Variants in IRAK1BP1 observed in about 807,000 individuals in gnomAD.
IRAK1BP1 encodes the protein interleukin 1 receptor associated kinase 1 binding protein 1.
IRAK1BP1 carries 24 observed loss-of-function variants against 28.0 expected under a neutral mutation model. The observed-to-expected ratio is 0.86, with a 90% confidence interval of 0.62 to 1.20. The LOEUF is 1.20. IRAK1BP1 is among the 50% of genes most tolerant of loss of function. The pLI is 0.00. For missense variants in IRAK1BP1, 336 were observed against 316.7 expected (o/e 1.06, Z -0.46); for synonymous variants, 131 against 116.3 (o/e 1.13, Z -0.81).
chr6:78,929,503 A>G (rs867196127), intron 4 of IRAK1BP1, among the ~76,000 whole-genome samples: 18 of 152,264 alleles, frequency 1.2e-4, no homozygotes, highest in African/African-American at 4.3e-4. Context: ...ACTCATGGAT[A>G]TAAAGATGGA....
chr6:78,970,757 T>C, the IRAK1BP1 span: 5 of 1,425,980 alleles, frequency 3.5e-6, no homozygotes, highest in South Asian at 4.9e-5. Context: ...TTTGGGGCTA[T>C]TAAATAATAA....
the IRAK1BP1 span, among the ~76,000 whole-genome samples, chr6:78,971,118 T>C: frequency 2.7e-4 from 41 of 152,348 alleles, no homozygotes; most frequent in Middle Eastern, 3.4e-3. Flanking sequence ...AGATGAAAAG[T>C]TATTTTCTGG....
chr6:78,934,993 T>C (rs1773215545), intron 4 of IRAK1BP1, among the ~76,000 whole-genome samples: 1 of 152,168 alleles, frequency 6.6e-6, no homozygotes, highest in Non-Finnish European at 1.5e-5. Flanking sequence ...AAACACGAAG[T>C]ACTATATTGC....
intron 4 of IRAK1BP1, among the ~76,000 whole-genome samples, chr6:78,924,543 G>C (rs1253674467): frequency 2.0e-5 from 3 of 152,174 alleles, no homozygotes; most frequent in African/African-American, 4.8e-5. Flanking sequence ...TAGAAAAAGA[G>C]GGAATCCTCC....
Position 78,901,869 on chromosome 6 carries a change from GTTGTT to G in IRAK1BP1, c.*3540_*3544del, listed in dbSNP as rs1772115073. On this transcript the variant is annotated 3_prime_UTR_variant, in exon 4 of 4. Coordinates refer to ENST00000369940, the MANE Select transcript of IRAK1BP1 (RefSeq NM_001010844.4). ...AGATGCTGTACCTCATCCTATAATT[GTTGTT>G]TTGTAATATTCCTTCTCAGGAATAT... 1.3e-5 allele frequency: 2 copies of G among 151,996 alleles called. No homozygotes were observed. The highest frequency in any genetic ancestry group is 3.9e-4 in the East Asian group (2 of 5,178). 9.4% of individuals were successfully genotyped at this position (151,996 alleles called of 1,614,324 possible).
intron 1 of IRAK1BP1, among the ~76,000 whole-genome samples, chr6:78,876,088 C>A (rs770161838): frequency 6.6e-5 from 10 of 151,882 alleles, no homozygotes; most frequent in Non-Finnish European, 1.2e-4. Flanking sequence ...AATTGTAATC[C>A]CTATGTGTCA....
intron 4 of IRAK1BP1, among the ~76,000 whole-genome samples, chr6:78,932,998 T>G (rs900775793): frequency 6.6e-6 from 1 of 152,128 alleles, no homozygotes; most frequent in African/African-American, 2.4e-5. Flanking sequence ...ATGCAGGCTT[T>G]GTTGTTCCAT....
the IRAK1BP1 span, chr6:78,962,974 A>T: frequency 4.1e-6 from 3 of 732,278 alleles, no homozygotes; most frequent in Non-Finnish European, 6.5e-6. Context: ...GATTCCACTT[A>T]AAATGTCTGA....
chr6:78,945,690 A>G (rs781287086), exon 5 of IRAK1BP1: 59 of 613,596 alleles, frequency 9.6e-5, no homozygotes, highest in Non-Finnish European at 1.6e-4. Context: ...CAGCCCTTTT[A>G]GAAGCTGTCC....
downstream of IRAK1BP1, among the ~76,000 whole-genome samples, chr6:78,905,282 A>G (rs1039167432): frequency 1.3e-5 from 2 of 152,192 alleles, no homozygotes; most frequent in Non-Finnish European, 2.9e-5. Flanking sequence ...TTTGGTGATA[A>G]CTCTGGAAAC....
At chr6:78,941,320 C>A in intron 4 of IRAK1BP1, 1 of 1,612,296 alleles carries the variant, frequency 6.2e-7, no homozygotes, top group Non-Finnish European at 8.5e-7. Flanking sequence ...GAGCGTTGTT[C>A]TTACAATCTC....
intron 4 of IRAK1BP1, among the ~76,000 whole-genome samples, chr6:78,924,752 G>A (rs28826982): frequency 0.076 from 11,528 of 152,156 alleles, 533 homozygotes; most frequent in African/African-American, 0.13. Context: ...TGGGATGCAA[G>A]GCTGGTTCAA....
At chr6:78,921,861 G>C (rs1381173646) in intron 4 of IRAK1BP1, among the ~76,000 whole-genome samples, 1 of 152,176 alleles carries the variant, frequency 6.6e-6, no homozygotes, top group Non-Finnish European at 1.5e-5. Flanking sequence ...GCAGCTGAGG[G>C]TCCTGACTGT....
chr6:78,892,828 G>A (rs190016457), intron 2 of IRAK1BP1, among the ~76,000 whole-genome samples: 21 of 152,158 alleles, frequency 1.4e-4, no homozygotes, highest in Admixed American at 3.3e-4. Context: ...TACACAAGAC[G>A]TGCTTAGTGA....
intron 4 of IRAK1BP1, among the ~76,000 whole-genome samples, chr6:78,924,168 T>C (rs534689258): frequency 3.3e-5 from 5 of 152,104 alleles, no homozygotes; most frequent in East Asian, 1.9e-4. Flanking sequence ...TGATAGACCG[T>C]TAGCAAGACT....
At chr6:78,961,841 T>G in the IRAK1BP1 span, 2 of 1,534,692 alleles carry the variant, frequency 1.3e-6, no homozygotes. Flanking sequence ...TGTAAATTTA[T>G]TTTTGTATGC....
chr6:78,913,993 A>G (rs1309250307), intron 4 of IRAK1BP1, among the ~76,000 whole-genome samples: 1 of 152,230 alleles, frequency 6.6e-6, no homozygotes, highest in Non-Finnish European at 1.5e-5. Flanking sequence ...GCTAAAATGC[A>G]TAAGTCATAT....
intron 2 of IRAK1BP1, among the ~76,000 whole-genome samples, chr6:78,896,144 T>G (rs895996943): frequency 6.6e-6 from 1 of 152,174 alleles, no homozygotes; most frequent in African/African-American, 2.4e-5. Context: ...AGATTCACTA[T>G]TCCAGATATC....
At chr6:78,881,564 A>G (rs1467761182) in intron 1 of IRAK1BP1, among the ~76,000 whole-genome samples, 2 of 152,178 alleles carry the variant, frequency 1.3e-5, no homozygotes, top group African/African-American at 4.8e-5. Flanking sequence ...GATCAATCCC[A>G]GGATAAAATT....
Sources: allele counts gnomAD v4.1 joint callset (sites outside exome capture counted in the v4.1 genomes callset), GRCh38; gene constraint gnomAD v4.1.1; transcripts MANE v1.5; gene names NCBI Gene and HGNC (gene_info 2026-07-23, HGNC 2026-07-21).